Variants in SEMA6D observed in about 807,000 individuals in gnomAD.
SEMA6D encodes semaphorin 6D, also known as semaphorin-6D.
In SEMA6D, 35 loss-of-function variants were observed where a neutral mutation model predicts 106.6. That is an observed-to-expected ratio of 0.33 (90% CI 0.25 to 0.44). SEMA6D has a LOEUF of 0.44. Among genes scored for constraint, SEMA6D ranks in the 20% least tolerant of loss-of-function variants. The pLI is 1.00. For synonymous variants in SEMA6D, 499 were observed against 487.7 expected (o/e 1.02, Z -0.31); for missense variants, 1,185 against 1,345.9 (o/e 0.88, Z 1.87).
chr15:47,631,080 G>GT (rs1372607318), intron 4 of SEMA6D, among the ~76,000 whole-genome samples: 3 of 151,786 alleles, frequency 2.0e-5, no homozygotes, highest in Non-Finnish European at 4.4e-5. Flanking sequence ...TCTTTATCTG[G>GT]TTTTGGTAGC....
At chr15:47,534,047 C>G (rs1483763893) in intron 3 of SEMA6D, among the ~76,000 whole-genome samples, 1 of 152,072 alleles carries the variant, frequency 6.6e-6, no homozygotes, top group African/African-American at 2.4e-5. Flanking sequence ...GAAATCAACC[C>G]AGAGTTATAT....
intron 1 of SEMA6D, among the ~76,000 whole-genome samples, chr15:47,338,064 C>A (rs553574331): frequency 3.3e-5 from 5 of 152,134 alleles, no homozygotes; most frequent in Non-Finnish European, 7.3e-5. Flanking sequence ...TGTAACCTTA[C>A]GCTATCTGAA....
intron 3 of SEMA6D, among the ~76,000 whole-genome samples, chr15:47,594,368 A>G (rs957924581): frequency 6.6e-6 from 1 of 152,020 alleles, no homozygotes; most frequent in Admixed American, 6.5e-5. Flanking sequence ...ATGATTTCCT[A>G]TTTCTGAAGT....
In SEMA6D at chr15:47,352,627, T is replaced by C. The variant is rs147455706; in HGVS notation, c.-238-59766T>C. Among the ~76,000 whole-genome samples the C allele has an allele frequency of 2.0e-3, 305 of 152,342 alleles. 2 individuals carry two copies. Among genetic ancestry groups the C allele is most frequent in the African/African-American group, 7.2e-3 (298 of 41,582 alleles). On this transcript the variant is annotated intron_variant, in intron 1 of 19. Coordinates refer to the SEMA6D transcript ENST00000558014. ...TAATTATTCTAACTCCATCCTCAAT[T>C]GTACATTGGATGCTAAAGAGAGCTA... is the stretch of plus-strand genomic sequence containing the variant.
intron 4 of SEMA6D, among the ~76,000 whole-genome samples, chr15:47,626,781 A>T (rs925335813): frequency 2.6e-5 from 4 of 152,170 alleles, no homozygotes; most frequent in Non-Finnish European, 4.4e-5. Flanking sequence ...TTAAGCAAGT[A>T]AAATGAAGTC....
chr15:47,750,649 T>A (rs541400968), intron 1 of SEMA6D, among the ~76,000 whole-genome samples: 1 of 152,354 alleles, frequency 6.6e-6, no homozygotes, highest in East Asian at 1.9e-4. Context: ...ACAGAGCTGC[T>A]TCATTTCCTC....
At chr15:47,347,719 C>T (rs1479458074) in intron 1 of SEMA6D, among the ~76,000 whole-genome samples, 2 of 152,146 alleles carry the variant, frequency 1.3e-5, no homozygotes, top group Non-Finnish European at 1.5e-5. Flanking sequence ...CTTCATAATG[C>T]CTTTTCCCTT....
At chr15:47,454,401 T>TTCA (rs2042281749) in intron 2 of SEMA6D, among the ~76,000 whole-genome samples, 1 of 151,948 alleles carries the variant, frequency 6.6e-6, no homozygotes, top group Admixed American at 6.6e-5. Flanking sequence ...CAAATGTGTA[T>TTCA]TGAACACCTT....
rs761865030 is a variant in SEMA6D at position 47,764,985 on chromosome 15, G to A, written c.1356G>A (p.Leu452=). The A allele has an allele frequency of 1.9e-6, 3 of 1,613,840 alleles. No homozygotes were observed. Among genetic ancestry groups the A allele is most frequent in the Non-Finnish European group, 1.7e-6 (2 of 1,179,840 alleles). The part of the protein sequence containing the change: ...GSEAGMVLKV[L]AKTSPFSLND... ...AAGCTGGCATGGTACTTAAAGTTCT[G>A]GCAAAGACCAGTCCTTTCTCTTTGA... The change falls in exon 13 of 19, where the codon CTG becomes CTA. Residue 452 remains leucine, a synonymous_variant. Transcript: ENST00000536845.
intron 1 of SEMA6D, among the ~76,000 whole-genome samples, chr15:47,750,395 G>A (rs1331570820): frequency 6.6e-6 from 1 of 152,138 alleles, no homozygotes; most frequent in Admixed American, 6.5e-5. Context: ...CATAAAATCA[G>A]TCCAGATTGG....
chr15:47,224,520 A>G lies in SEMA6D; in HGVS notation c.-239+40102A>G, dbSNP rs554175867. ...TTTACATATAGGGAAACTGAAGTGC[A>G]GACTGTGAAAATGACGTTTTATCTC... is the stretch of plus-strand genomic sequence containing the variant. On this transcript the variant is annotated intron_variant, in intron 1 of 19. Transcript: ENST00000558014. Among the ~76,000 whole-genome samples, 16 of 152,270 alleles carry G rather than the reference A, an allele frequency of 1.1e-4. No homozygotes were observed. In the East Asian group the frequency reaches 2.9e-3, roughly 28 times the overall value.
intron 1 of SEMA6D, among the ~76,000 whole-genome samples, chr15:47,326,280 T>C (rs751573643): frequency 6.6e-6 from 1 of 152,334 alleles, no homozygotes; most frequent in Non-Finnish European, 1.5e-5. Context: ...ATAAATGCTA[T>C]TTTATTTTAC....
chr15:47,642,335 A>G (rs1364644579), intron 4 of SEMA6D, among the ~76,000 whole-genome samples: 6 of 152,198 alleles, frequency 3.9e-5, no homozygotes, highest in Admixed American at 3.3e-4. Context: ...ACTGGGGTGC[A>G]GAGATTAAAC....
At position 47,193,192 on chromosome 15, in the gene SEMA6D, G is replaced by T. The variant is rs545209013; in HGVS notation, c.-239+8774G>T. Reference sequence around the variant, plus strand: ...TTAATAGCTGTGAGACTTGGGGCAGGTTACTTCTCTTCCATTTTCTCATCA... The same window carrying T: ...TTAATAGCTGTGAGACTTGGGGCAGTTTACTTCTCTTCCATTTTCTCATCA... On this transcript the variant is annotated intron_variant, in intron 1 of 19. Transcript: ENST00000558014. Among the ~76,000 whole-genome samples, 276 of 152,202 alleles carry T rather than the reference G, an allele frequency of 1.8e-3. 4 individuals are homozygous for T. The highest frequency in any genetic ancestry group is 6.2e-3 in the African/African-American group (257 of 41,540).
intron 1 of SEMA6D, among the ~76,000 whole-genome samples, chr15:47,355,461 T>G (rs571651659): frequency 6.6e-6 from 1 of 152,256 alleles, no homozygotes; most frequent in South Asian, 2.1e-4. Context: ...GGAAAAATAA[T>G]TTAGATTTGA....
intron 1 of SEMA6D, among the ~76,000 whole-genome samples, chr15:47,302,598 G>T (rs997515095): frequency 5.9e-5 from 9 of 152,238 alleles, no homozygotes; most frequent in Middle Eastern, 3.4e-3. Context: ...ATTTTTACCA[G>T]CAGAGAAGGG....
chr15:47,567,216 T>A (rs1184875616), intron 3 of SEMA6D, among the ~76,000 whole-genome samples: 1 of 152,226 alleles, frequency 6.6e-6, no homozygotes, highest in Non-Finnish European at 1.5e-5. Context: ...TCTCCATTGT[T>A]ATTTGAGAGA....
At chr15:47,598,745 T>C (rs900337127) in intron 3 of SEMA6D, among the ~76,000 whole-genome samples, 1 of 152,114 alleles carries the variant, frequency 6.6e-6, no homozygotes, top group African/African-American at 2.4e-5. Context: ...GCTTTCGCCC[T>C]TTTTCAGGAA....
At chr15:47,295,419 A>C (rs1595667328) in intron 1 of SEMA6D, among the ~76,000 whole-genome samples, 1 of 152,168 alleles carries the variant, frequency 6.6e-6, no homozygotes, top group East Asian at 1.9e-4. Flanking sequence ...CTAAATTAAC[A>C]GTGGGTTAGC....
Sources: allele counts gnomAD v4.1 joint callset (sites outside exome capture counted in the v4.1 genomes callset), GRCh38; gene constraint gnomAD v4.1.1; transcripts MANE v1.5; gene names NCBI Gene and HGNC (gene_info 2026-07-23, HGNC 2026-07-21).